The following KCNMA1 variants were observed in gnomAD, a reference collection of about 807,000 sequenced individuals.
KCNMA1 encodes the protein Calcium-activated potassium channel subunit alpha-1.
Under a neutral mutation model 140.0 loss-of-function variants are expected in KCNMA1, and 29 were observed. The ratio of observed to expected loss-of-function variants is 0.21; its 90% CI spans 0.15 to 0.28. The LOEUF (loss-of-function observed/expected upper bound fraction) is 0.28. KCNMA1 is among the 10% of genes least tolerant of loss of function. The pLI, the probability that KCNMA1 is intolerant of heterozygous loss-of-function variation, is 1.00. For synonymous variants in KCNMA1, 612 were observed against 611.9 expected (o/e 1.00, Z 0.00); for missense variants, 880 against 1,602.2 (o/e 0.55, Z 7.70).
chr10:77,441,264 G>A (rs2097393322), intron 1 of KCNMA1, among the ~76,000 whole-genome samples: 1 of 152,114 alleles, frequency 6.6e-6, no homozygotes. Flanking sequence ...AGTCATAGAG[G>A]AATTTCAGTA....
chr10:76,903,699 G>T (rs1564810908), intron 25 of KCNMA1: 3 of 152,336 alleles, frequency 2.0e-5, no homozygotes, highest in South Asian at 4.1e-4. Flanking sequence ...AAATCACATG[G>T]CATTAGGTTA....
At position 77,587,662 on chromosome 10, in the gene KCNMA1, A is replaced by G. The variant is rs1193256346; in HGVS notation, c.378+49603T>C. 3.1e-6 allele frequency: 3 copies of G among 978,050 alleles called. No homozygotes were observed. In the East Asian group the frequency reaches 3.4e-4, roughly 112 times the overall value. 60.6% of individuals were successfully genotyped at this position (978,050 alleles called of 1,614,324 possible). A position where few individuals can be genotyped will look rare whatever the true frequency, so the allele number is the denominator to read the frequency against. ...TGTCCGGTGCTCTGAGGACACCTTC[A>G]GTGGAATCTGTGGAAGGTACACATC... is the stretch of plus-strand genomic sequence containing the variant. On this transcript the variant is annotated intron_variant, in intron 1 of 27. Transcript: ENST00000286628.
At chr10:77,449,933 C>T (rs817528) in intron 1 of KCNMA1, among the ~76,000 whole-genome samples, 84,714 of 150,466 alleles carry the variant, frequency 0.56, 25,126 homozygotes, top group Non-Finnish European at 0.67. Context: ...TGAGCCACCA[C>T]GCCTGGCCTA....
At chr10:77,501,458 T>C (rs1391199976) in intron 1 of KCNMA1, among the ~76,000 whole-genome samples, 1 of 152,196 alleles carries the variant, frequency 6.6e-6, no homozygotes. Flanking sequence ...GGATGCCACC[T>C]CATGGCTGAT....
chr10:77,047,588 CTTT>C (rs11304136), intron 14 of KCNMA1, among the ~76,000 whole-genome samples: 37 of 137,410 alleles, frequency 2.7e-4, no homozygotes, highest in Middle Eastern at 3.9e-3. Flanking sequence ...GGAAACTGGT[CTTT>C]TTTTTTTTTT....
intron 1 of KCNMA1, among the ~76,000 whole-genome samples, chr10:77,573,740 G>A (rs191462928): frequency 7.5e-4 from 113 of 151,012 alleles, no homozygotes; most frequent in African/African-American, 1.5e-3. Flanking sequence ...TCTGTACCTC[G>A]CTCAACAGGG....
At chr10:77,462,365 GCA>G (rs770557498) in intron 1 of KCNMA1, among the ~76,000 whole-genome samples, 3 of 151,870 alleles carry the variant, frequency 2.0e-5, no homozygotes, top group Non-Finnish European at 2.9e-5. Context: ...GCATACATGT[GCA>G]CACACACACT....
intron 1 of KCNMA1, among the ~76,000 whole-genome samples, chr10:77,621,847 G>T (rs2719994): frequency 3.4e-4 from 52 of 152,252 alleles, no homozygotes; most frequent in African/African-American, 1.2e-3. Flanking sequence ...AGGAGGCTGA[G>T]GTGGGAGATT....
At chr10:77,248,764 T>C (rs1328025897) in intron 3 of KCNMA1, among the ~76,000 whole-genome samples, 3 of 152,142 alleles carry the variant, frequency 2.0e-5, no homozygotes, top group African/African-American at 7.2e-5. Context: ...TTTTAATAGG[T>C]TTCACTGTGT....
intron 2 of KCNMA1, among the ~76,000 whole-genome samples, chr10:77,275,734 C>T (rs2066471423): frequency 6.6e-6 from 1 of 152,196 alleles, no homozygotes; most frequent in Non-Finnish European, 1.5e-5. Flanking sequence ...GGTTGCCCTG[C>T]TCCACCATCA....
At chr10:77,130,083 C>G (rs2097826250) in intron 5 of KCNMA1, among the ~76,000 whole-genome samples, 1 of 152,044 alleles carries the variant, frequency 6.6e-6, no homozygotes, top group Non-Finnish European at 1.5e-5. Context: ...ATAAAATAAA[C>G]ATAAACTGAG....
At chr10:77,534,833 C>A (rs1442475135) in intron 1 of KCNMA1, among the ~76,000 whole-genome samples, 1 of 152,192 alleles carries the variant, frequency 6.6e-6, no homozygotes, top group African/African-American at 2.4e-5. Context: ...ACAATCTATA[C>A]CTACAACCCA....
At chr10:76,890,417 A>T (rs1364757380) in intron 26 of KCNMA1, among the ~76,000 whole-genome samples, 1 of 152,190 alleles carries the variant, frequency 6.6e-6, no homozygotes, top group African/African-American at 2.4e-5. Context: ...AAGAACACTG[A>T]TGGGACCAAA....
At chr10:77,026,990 T>G (rs986321538) in intron 16 of KCNMA1, among the ~76,000 whole-genome samples, 2 of 152,148 alleles carry the variant, frequency 1.3e-5, no homozygotes, top group Admixed American at 6.6e-5. Context: ...AAATATGAAC[T>G]ATAGAGGAAT....
intron 1 of KCNMA1, among the ~76,000 whole-genome samples, chr10:77,544,762 C>A (rs1016970483): frequency 1.3e-5 from 2 of 152,202 alleles, no homozygotes; most frequent in African/African-American, 2.4e-5. Context: ...TTCAGCTTTT[C>A]ATTGTGGTTG....
chr10:76,928,540 G>A (rs2058418311), intron 23 of KCNMA1, among the ~76,000 whole-genome samples: 1 of 152,028 alleles, frequency 6.6e-6, no homozygotes, highest in Non-Finnish European at 1.5e-5. Context: ...AGAAAATTAT[G>A]AATTCATTAA....
chr10:77,495,587 G>C (rs993380088), intron 1 of KCNMA1, among the ~76,000 whole-genome samples: 4 of 152,190 alleles, frequency 2.6e-5, no homozygotes, highest in Non-Finnish European at 2.9e-5. Context: ...GAGAAAAAAC[G>C]AACTCTCCAT....
At chr10:77,096,870 T>A (rs1221096297) in intron 9 of KCNMA1, among the ~76,000 whole-genome samples, 1 of 152,162 alleles carries the variant, frequency 6.6e-6, no homozygotes, top group Middle Eastern at 3.2e-3. Context: ...GTTTTCCTCG[T>A]CCTGCTCCTC....
At chr10:77,490,074 G>A (rs147228111) in intron 1 of KCNMA1, among the ~76,000 whole-genome samples, 5 of 152,296 alleles carry the variant, frequency 3.3e-5, no homozygotes, top group East Asian at 3.9e-4. Flanking sequence ...GCTACGCACC[G>A]GATGCCAGCA....
Sources: allele counts gnomAD v4.1 joint callset (sites outside exome capture counted in the v4.1 genomes callset), GRCh38; gene constraint gnomAD v4.1.1; transcripts MANE v1.5; gene names NCBI Gene and HGNC (gene_info 2026-07-23, HGNC 2026-07-21).